PCDHGB7: variants seen among roughly 807,000 people sequenced by gnomAD.
The protein encoded by PCDHGB7 is protocadherin gamma-B7.
PCDHGB7 carries 37 observed loss-of-function variants against 61.4 expected under a neutral mutation model. That is an observed-to-expected ratio of 0.60 (90% CI 0.46 to 0.79). The LOEUF (loss-of-function observed/expected upper bound fraction) is 0.79. PCDHGB7 is among the 30% of genes least tolerant of loss of function. The pLI, the probability that PCDHGB7 is intolerant of heterozygous loss-of-function variation, is 0.00. For missense variants in PCDHGB7, 1,166 were observed against 1,202.5 expected (o/e 0.97, Z 0.45); for synonymous variants, 464 against 503.5 (o/e 0.92, Z 1.05).
chr5:141,432,366 A>T lies in PCDHGB7; in HGVS notation c.2415+12092A>T. The T allele has an allele frequency of 6.2e-7, 1 of 1,614,204 alleles. No homozygotes were observed. Among genetic ancestry groups the T allele is most frequent in the Non-Finnish European group, 8.5e-7 (1 of 1,180,034 alleles). On this transcript the variant is annotated intron_variant, in intron 1 of 3. Coordinates refer to ENST00000398594, the MANE Select transcript of PCDHGB7 (RefSeq NM_018927.4). This position sits in a 1 kb window ranked among gnomAD's most constrained non-coding sequence, Gnocchi z 6.0. Reference sequence around the variant, plus strand: ...TTGCAAGTGAAAGTGATGGCGCGGGACAACGGGCACCCGCCCCTCAGCAGC... The same window carrying T: ...TTGCAAGTGAAAGTGATGGCGCGGGTCAACGGGCACCCGCCCCTCAGCAGC...
At position 141,432,202 on chromosome 5, in the gene PCDHGB7, T is replaced by C; in HGVS notation, c.2415+11928T>C. 1 of 1,614,120 alleles carries C rather than the reference T, an allele frequency of 6.2e-7. No homozygotes were observed. The highest frequency in any genetic ancestry group is 1.1e-5 in the South Asian group (1 of 91,072). ...CTGTGACCGCCCACGACCCCGACTGTGAAGAGAACGCCCAGATCACTTATT... is the reference window on the plus strand; with the variant it reads ...CTGTGACCGCCCACGACCCCGACTGCGAAGAGAACGCCCAGATCACTTATT... On this transcript the variant is annotated intron_variant, in intron 1 of 3. Coordinates refer to ENST00000398594, the MANE Select transcript of PCDHGB7 (RefSeq NM_018927.4). The surrounding 1 kb of genome is among the most constrained non-coding windows in gnomAD (Gnocchi z 6.0).
chr5:141,507,504 C>T (rs1443873775), intron 3 of PCDHGB7, among the ~76,000 whole-genome samples: 1 of 152,138 alleles, frequency 6.6e-6, no homozygotes, highest in Admixed American at 6.5e-5. Flanking sequence ...TGTCCCAGGT[C>T]TGGTGGGGCT....
At chr5:141,426,514 G>A (rs867794856) in intron 1 of PCDHGB7, 22 of 340,738 alleles carry the variant, frequency 6.5e-5, no homozygotes, top group Non-Finnish European at 8.2e-5. Context: ...ATACTTTACC[G>A]TGAACACGGA....
In PCDHGB7 at chr5:141,487,160, G is replaced by A. The variant is rs1188929436; in HGVS notation, c.2416-7647G>A. 5.0e-6 allele frequency: 8 copies of A among 1,613,830 alleles called. No homozygotes were observed. The highest frequency in any genetic ancestry group is 5.1e-6 in the Non-Finnish European group (6 of 1,179,840). ...ACTCTCTACCTCTGTTACTCTCTTA[G>A]TGTCCTTAGAGGAAGACACTCATCC... On this transcript the variant is annotated intron_variant, in intron 1 of 3. Transcript: ENST00000398594. The surrounding 1 kb of genome is among the most constrained non-coding windows in gnomAD (Gnocchi z 5.0).
intron 2 of PCDHGB7, among the ~76,000 whole-genome samples, chr5:141,500,985 C>T (rs2099804537): frequency 6.6e-6 from 1 of 152,048 alleles, no homozygotes; most frequent in Non-Finnish European, 1.5e-5. Flanking sequence ...TCTCCTGCCT[C>T]AGCCTCCTGA....
At chr5:141,492,384 C>T (rs1001189412) in intron 1 of PCDHGB7, among the ~76,000 whole-genome samples, 1 of 152,230 alleles carries the variant, frequency 6.6e-6, no homozygotes, top group African/African-American at 2.4e-5. Context: ...AGGCCTGTTC[C>T]GGTCCACTCG....
chr5:141,441,882 C>A, intron 1 of PCDHGB7: 1 of 343,664 alleles, frequency 2.9e-6, no homozygotes, highest in South Asian at 2.6e-5. Context: ...GCTACCTGGT[C>A]ACCAAGGTGG....
At chr5:141,423,702 C>T in intron 1 of PCDHGB7, 4 of 1,340,970 alleles carry the variant, frequency 3.0e-6, no homozygotes, top group South Asian at 1.6e-5. Flanking sequence ...GGTGTCTTGG[C>T]ACAAGTCTTT....
intron 1 of PCDHGB7, chr5:141,423,443 C>A: frequency 6.2e-7 from 1 of 1,613,998 alleles, no homozygotes; most frequent in Non-Finnish European, 8.5e-7. Flanking sequence ...ATGCCCACGT[C>A]ACATTTTGTA....
At chr5:141,426,933 G>A (rs1294433096) in intron 1 of PCDHGB7, 1 of 456,660 alleles carries the variant, frequency 2.2e-6, no homozygotes, top group Non-Finnish European at 4.4e-6. Context: ...GGACATGGGT[G>A]ACCCAGTCCC....
chr5:141,476,714 C>A lies in PCDHGB7; in HGVS notation c.2416-18093C>A, dbSNP rs146188020. 1 of 1,614,154 alleles carries A rather than the reference C, an allele frequency of 6.2e-7. No homozygotes were observed. The highest frequency in any genetic ancestry group is 1.1e-5 in the South Asian group (1 of 91,078). ...CAAGTACGCGGAGCTGGTGTTGGAG[C>A]GCGCCCTGGACCGAGAACGGGAGCC... On this transcript the variant is annotated intron_variant, in intron 1 of 3. Transcript: ENST00000398594. This position sits in a 1 kb window ranked among gnomAD's most constrained non-coding sequence, Gnocchi z 7.6.
In PCDHGB7 at chr5:141,489,077, C is replaced by CCCCCCACCGGG; in HGVS notation, c.2416-5730_2416-5729insCCCCCACCGGG. ...AGCTCCCCTCCCCCCTGCCCACCCCCGCCACTCGGTGACTAAGAACTGCTG... is the reference window on the plus strand; with the variant it reads ...AGCTCCCCTCCCCCCTGCCCACCCCCCCCCCACCGGGGCCACTCGGTGACTAAGAACTGCTG... On this transcript the variant is annotated intron_variant, in intron 1 of 3. Transcript: ENST00000398594. The surrounding 1 kb of genome is among the most constrained non-coding windows in gnomAD (Gnocchi z 4.5). 6.1e-6 allele frequency: 2 copies of CCCCCCACCGGG among 325,756 alleles called. No individual in the cohort carries two copies. Among genetic ancestry groups the CCCCCCACCGGG allele is most frequent in the Non-Finnish European group, 5.5e-6 (1 of 181,460 alleles). The allele number at this position is 325,756 out of a possible 1,614,324, so 20.2% of individuals were successfully genotyped here.
chr5:141,462,122 C>T (rs1437400069), intron 1 of PCDHGB7, among the ~76,000 whole-genome samples: 1 of 152,044 alleles, frequency 6.6e-6, no homozygotes, highest in South Asian at 2.1e-4. Context: ...TGCACCCAGT[C>T]CAATTTTTTG....
In PCDHGB7 at chr5:141,477,428, T is replaced by C; in HGVS notation, c.2416-17379T>C. On this transcript the variant is annotated intron_variant, in intron 1 of 3. Transcript: ENST00000398594. The surrounding 1 kb of genome is among the most constrained non-coding windows in gnomAD (Gnocchi z 4.9). ...CCGAGACGCCGGAACCCCTTCCCTC[T>C]CAGCCCTTACAATAGTGCGTGTTCA... The C allele has an allele frequency of 6.2e-7, 1 of 1,614,142 alleles. No individual in the cohort carries two copies. Among genetic ancestry groups the C allele is most frequent in the Non-Finnish European group, 8.5e-7 (1 of 1,180,036 alleles).
At position 141,431,763 on chromosome 5, in the gene PCDHGB7, T is replaced by C; in HGVS notation, c.2415+11489T>C. On this transcript the variant is annotated intron_variant, in intron 1 of 3. Transcript: ENST00000398594. The surrounding 1 kb of genome is among the most constrained non-coding windows in gnomAD (Gnocchi z 4.8). ...TATTCTGCGCGAGCCAAAGTCCTGA[T>C]CACTGTTCTGGACGTGAACGACAAT... 1 of 1,614,230 alleles carries C rather than the reference T, an allele frequency of 6.2e-7. No individual in the cohort carries two copies. Among genetic ancestry groups the C allele is most frequent in the Non-Finnish European group, 8.5e-7 (1 of 1,180,030 alleles).
Position 141,418,201 on chromosome 5 carries a change from A to G in PCDHGB7, c.342A>G (p.Leu114=), listed in dbSNP as rs2096236241. 6.2e-7 allele frequency: 1 copy of G among 1,614,020 alleles called. No homozygotes were observed. The highest frequency in any genetic ancestry group is 8.5e-7 in the Non-Finnish European group (1 of 1,179,886). The change falls in exon 1 of 4, where the codon TTA becomes TTG. Residue 114 remains leucine, a synonymous_variant. Coordinates refer to ENST00000398594, the MANE Select transcript of PCDHGB7 (RefSeq NM_018927.4). ...LQLEAVVENP[L]NIFHVIVVIE... is the part of the protein sequence containing the mutation. Reference sequence around the variant, plus strand: ...TGGAAGCTGTGGTGGAAAATCCTTTAAATATTTTTCATGTCATTGTGGTGA... The same window carrying G: ...TGGAAGCTGTGGTGGAAAATCCTTTGAATATTTTTCATGTCATTGTGGTGA...
At chr5:141,500,182 ATT>A (rs1199992745) in intron 2 of PCDHGB7, among the ~76,000 whole-genome samples, 2 of 131,622 alleles carry the variant, frequency 1.5e-5, no homozygotes, top group African/African-American at 3.1e-5. Flanking sequence ...CTTCATTTTT[ATT>A]TTTATTTATT....
chr5:141,495,449 GCT>G (rs560850951), intron 2 of PCDHGB7, among the ~76,000 whole-genome samples: 3 of 152,194 alleles, frequency 2.0e-5, no homozygotes, highest in Non-Finnish European at 2.9e-5. Flanking sequence ...TACTTGTCCT[GCT>G]CTCTGTCTGT....
At position 141,490,132 on chromosome 5, in the gene PCDHGB7, A is replaced by C. The variant is rs1245562757; in HGVS notation, c.2416-4675A>C. On this transcript the variant is annotated intron_variant, in intron 1 of 3. Coordinates refer to ENST00000398594, the MANE Select transcript of PCDHGB7 (RefSeq NM_018927.4). This position sits in a 1 kb window ranked among gnomAD's most constrained non-coding sequence, Gnocchi z 5.4. ...GCGGAACCTCTTTGGCCTAGACCCT[A>C]GCAGTGGGGCAATCCATGTGTTGGG... 6.2e-7 allele frequency: 1 copy of C among 1,614,220 alleles called. No individual in the cohort carries two copies. Among genetic ancestry groups the C allele is most frequent in the South Asian group, 1.1e-5 (1 of 91,088 alleles).
Sources: allele counts gnomAD v4.1 joint callset (sites outside exome capture counted in the v4.1 genomes callset), GRCh38; gene constraint gnomAD v4.1.1; non-coding constraint Gnocchi (gnomAD v3.1); transcripts MANE v1.5; gene names NCBI Gene and HGNC (gene_info 2026-07-23, HGNC 2026-07-21).